The following INPP4A variants were observed in gnomAD, a reference collection of about 807,000 sequenced individuals.
The protein encoded by INPP4A is inositol polyphosphate-4-phosphatase type I A, also known as inositol polyphosphate-4-phosphatase, type I, 107kD.
Under a neutral mutation model 119.8 loss-of-function variants are expected in INPP4A, and 33 were observed. The ratio of observed to expected loss-of-function variants is 0.28; its 90% CI spans 0.21 to 0.37. The LOEUF (loss-of-function observed/expected upper bound fraction) is 0.37. Among genes scored for constraint, INPP4A ranks in the 10% least tolerant of loss-of-function variants. The pLI, the probability that INPP4A is intolerant of heterozygous loss-of-function variation, is 1.00. For missense variants in INPP4A, 956 were observed against 1,289.9 expected, an observed-to-expected ratio of 0.74 and a Z score of 3.97; for synonymous variants, 496 against 500.7, an observed-to-expected ratio of 0.99 and a Z score of 0.12.
rs544565320 is a variant in INPP4A at position 98,518,104 on chromosome 2, A to G, written c.-165-860A>G. ...TTGCATTTTGGTGAGTTTTTTGTTA[A>G]TGTGTACAACCATTACTGTAAAAAG... On this transcript the variant is annotated intron_variant, in intron 1 of 24. Transcript: ENST00000409851. Among the ~76,000 whole-genome samples, 3 of 152,330 alleles carry G rather than the reference A, an allele frequency of 2.0e-5. No individual in the cohort carries two copies. In the Middle Eastern group the frequency reaches 0.01, roughly 518 times the overall value.
At chr2:98,459,586 G>A (rs1044254176) in intron 1 of INPP4A, among the ~76,000 whole-genome samples, 1 of 152,166 alleles carries the variant, frequency 6.6e-6, no homozygotes, top group African/African-American at 2.4e-5. Context: ...TCCCACAATG[G>A]CATTCACAGT....
intron 16 of INPP4A, among the ~76,000 whole-genome samples, chr2:98,557,700 G>T (rs1694738497): frequency 6.6e-6 from 1 of 152,234 alleles, no homozygotes. Flanking sequence ...CCTCAGAGCT[G>T]CCCTGCCCTG....
chr2:98,543,815 C>A, intron 10 of INPP4A, 62 bp from the exon 11 acceptor site: 1 of 1,598,304 alleles, frequency 6.3e-7, no homozygotes, highest in East Asian at 2.2e-5. Flanking sequence ...GGGTAGACCT[C>A]CTGGGCCTCT....
At chr2:98,448,002 G>A (rs547885735) in intron 1 of INPP4A, among the ~76,000 whole-genome samples, 31 of 137,692 alleles carry the variant, frequency 2.3e-4, no homozygotes, top group Non-Finnish European at 3.9e-4. Flanking sequence ...AGCAGAGATC[G>A]CACCACTGCA....
chr2:98,517,993 G>A (rs1392898512), intron 1 of INPP4A, among the ~76,000 whole-genome samples: 2 of 152,194 alleles, frequency 1.3e-5, no homozygotes, highest in Non-Finnish European at 2.9e-5. Flanking sequence ...AGCATATTTA[G>A]CATTGCGTTA....
intron 16 of INPP4A, among the ~76,000 whole-genome samples, chr2:98,558,648 TG>T (rs1694913044): frequency 6.6e-6 from 1 of 152,244 alleles, no homozygotes; most frequent in Non-Finnish European, 1.5e-5. Flanking sequence ...CTGAAGACAT[TG>T]TTTGAACTGA....
At chr2:98,564,107 T>C (rs1188049633) in intron 18 of INPP4A, among the ~76,000 whole-genome samples, 1 of 152,164 alleles carries the variant, frequency 6.6e-6, no homozygotes, top group East Asian at 1.9e-4. Context: ...ACAAGTTTAA[T>C]AGTTGCCAGT....
At chr2:98,539,795 C>T in intron 10 of INPP4A, 120 bp downstream of exon 10, 3 of 978,400 alleles carry the variant, frequency 3.1e-6, no homozygotes, top group Non-Finnish European at 4.3e-6. Flanking sequence ...ACAGCCTCTC[C>T]CCCTGCAGCT....
At chr2:98,500,508 C>T (rs1682907028) in intron 1 of INPP4A, among the ~76,000 whole-genome samples, 1 of 152,094 alleles carries the variant, frequency 6.6e-6, no homozygotes, top group Non-Finnish European at 1.5e-5. Flanking sequence ...TATCCAGGAC[C>T]ATCACAATAG....
At chr2:98,496,709 T>C (rs929957520) in intron 1 of INPP4A, among the ~76,000 whole-genome samples, 1 of 152,184 alleles carries the variant, frequency 6.6e-6, no homozygotes. Context: ...GCAAAAGACC[T>C]GAATAGACAT....
chr2:98,451,976 G>A (rs2104464785), intron 1 of INPP4A, among the ~76,000 whole-genome samples: 1 of 152,290 alleles, frequency 6.6e-6, no homozygotes, highest in East Asian at 1.9e-4. Flanking sequence ...GTCTCCATCA[G>A]CATGTCAGCA....
intron 8 of INPP4A, among the ~76,000 whole-genome samples, 155 bp downstream of exon 8, chr2:98,538,129 C>T (rs2105974341): frequency 6.6e-6 from 1 of 152,340 alleles, no homozygotes. Context: ...TCCTTAGGCA[C>T]ACCTTGAAGC....
intron 23 of INPP4A, among the ~76,000 whole-genome samples, chr2:98,575,976 T>A (rs567848914): frequency 6.6e-6 from 1 of 152,370 alleles, no homozygotes; most frequent in African/African-American, 2.4e-5. Flanking sequence ...GTAAGTAATA[T>A]GGTGCCCATC....
rs1439181770 is a variant in INPP4A at position 98,588,361 on chromosome 2, C to T, written c.*753C>T. 3 of 199,316 alleles carry T rather than the reference C, an allele frequency of 1.5e-5. No individual in the cohort carries two copies. Among genetic ancestry groups the T allele is most frequent in the South Asian group, 1.9e-4 (1 of 5,208 alleles). 12.3% of individuals were successfully genotyped at this position (199,316 alleles called of 1,614,324 possible). The stretch of plus-strand genomic sequence containing the variant: ...TCTCCTGTTCTCTGAAGCTCCCTGC[C>T]GAGGCTCCCTCACGCCCAGAGGACA... On this transcript the variant is annotated 3_prime_UTR_variant, in exon 25 of 25. Coordinates refer to ENST00000409851, the MANE Select transcript of INPP4A (RefSeq NM_001134225.2).
chr2:98,566,112 G>T lies in INPP4A; in HGVS notation c.2363G>T (p.Arg788Leu). The T allele has an allele frequency of 6.3e-7, 1 of 1,599,098 alleles. No homozygotes were observed. The highest frequency in any genetic ancestry group is 8.5e-7 in the Non-Finnish European group (1 of 1,173,538). ...PREIQSGMLL[R>L]VQPVLFNVGI... ...GAGATCCAGAGTGGCATGCTGCTGCGAGTGCAGCCCGTCCTCTTCAACGTG... is the reference window on the plus strand; with the variant it reads ...GAGATCCAGAGTGGCATGCTGCTGCTAGTGCAGCCCGTCCTCTTCAACGTG... Residue 788 changes from arginine to leucine, a missense_variant, in exon 21 of 25, where the codon CGA becomes CTA. Arg to Leu is a moderately radical substitution (Grantham distance 102). Transcript: ENST00000409851. This position sits in a 1 kb window ranked among gnomAD's most constrained non-coding sequence, Gnocchi z 4.2.
At position 98,544,063 on chromosome 2, in the gene INPP4A, A is replaced by G. The variant is rs568754879; in HGVS notation, c.949+56A>G. On this transcript the variant is annotated intron_variant, in intron 11 of 24. Coordinates refer to ENST00000409851, the MANE Select transcript of INPP4A (RefSeq NM_001134225.2). ...CGCGTGCGCACACACACACACACAC[A>G]CTCTCACTCTCACTCAGTCACTCCC... 1,986 of 1,195,682 alleles carry G rather than the reference A, an allele frequency of 1.7e-3. 16 individuals are homozygous for G. The African/African-American group carries it at 0.02, about 12-fold the overall frequency. 74.1% of individuals were successfully genotyped at this position (1,195,682 alleles called of 1,614,324 possible).
intron 1 of INPP4A, among the ~76,000 whole-genome samples, chr2:98,485,968 C>A (rs1679454844): frequency 1.3e-5 from 2 of 152,160 alleles, no homozygotes; most frequent in Admixed American, 1.3e-4. Flanking sequence ...GGGGAGGGGG[C>A]CTCCAGATGA....
intron 1 of INPP4A, among the ~76,000 whole-genome samples, chr2:98,484,168 T>C (rs1679066591): frequency 6.6e-6 from 1 of 152,140 alleles, no homozygotes; most frequent in South Asian, 2.1e-4. Flanking sequence ...CCCAGAGGTC[T>C]CTGAGGTCCC....
At chr2:98,515,552 C>T (rs889531284) in intron 1 of INPP4A, among the ~76,000 whole-genome samples, 2 of 152,104 alleles carry the variant, frequency 1.3e-5, no homozygotes, top group African/African-American at 2.4e-5. Flanking sequence ...CTCCATGTGA[C>T]CTTGAAAAAA....
Sources: allele counts gnomAD v4.1 joint callset (sites outside exome capture counted in the v4.1 genomes callset), GRCh38; gene constraint gnomAD v4.1.1; non-coding constraint Gnocchi (gnomAD v3.1); transcripts MANE v1.5; gene names NCBI Gene and HGNC (gene_info 2026-07-23, HGNC 2026-07-21).